The following CCDC57 variants were observed in gnomAD, a reference collection of about 807,000 sequenced individuals.
The protein encoded by CCDC57 is coiled-coil domain containing 57.
In CCDC57, 118 loss-of-function variants were observed where a neutral mutation model predicts 118.9. That is an observed-to-expected ratio of 0.99 (90% CI 0.86 to 1.16). CCDC57 has a LOEUF of 1.16. Among genes scored for constraint, CCDC57 ranks in the 50% most tolerant of loss-of-function variants. CCDC57 has a pLI of 0.00. For synonymous variants in CCDC57, 527 were observed against 532.9 expected (o/e 0.99, Z 0.15); for missense variants, 1,300 against 1,320.7 (o/e 0.98, Z 0.24).
chr17:82,194,111 G>A (rs867097147), exon 6 of CCDC57: 3 of 1,613,778 alleles, frequency 1.9e-6, no homozygotes, highest in Non-Finnish European at 1.7e-6. Flanking sequence ...TTCCTTCAGA[G>A]CCTCCAGCTC....
At chr17:82,112,716 C>G (rs1474469282) in intron 19 of CCDC57, 1 of 152,478 alleles carries the variant, frequency 6.6e-6, no homozygotes, top group East Asian at 1.9e-4. Flanking sequence ...GCCGGCAGCC[C>G]AGAAACGGCC....
At chr17:82,167,444 G>C (rs549556286) in intron 13 of CCDC57, among the ~76,000 whole-genome samples, 1 of 151,750 alleles carries the variant, frequency 6.6e-6, no homozygotes, top group African/African-American at 2.4e-5. Context: ...TCCACCTCCC[G>C]GGTTCAAGCG....
intron 7 of CCDC57, among the ~76,000 whole-genome samples, chr17:82,188,748 G>C (rs1373859219): frequency 1.3e-5 from 2 of 152,220 alleles, no homozygotes; most frequent in African/African-American, 4.8e-5. Flanking sequence ...CGATCAACCT[G>C]CGAAAGCAAA....
intron 16 of CCDC57, chr17:82,145,748 A>T: frequency 2.3e-6 from 1 of 430,976 alleles, no homozygotes; most frequent in Non-Finnish European, 4.8e-6. Flanking sequence ...TTCCCCCTGC[A>T]GGCCCCTGAG....
chr17:82,131,134 A>C (rs1443736425), intron 17 of CCDC57, among the ~76,000 whole-genome samples: 1 of 151,250 alleles, frequency 6.6e-6, no homozygotes, highest in African/African-American at 2.4e-5. Context: ...TTTTTTTAAA[A>C]GAAAAATAAA....
Position 82,163,130 on chromosome 17 carries a change from T to C in CCDC57, c.2040+70A>G. The stretch of plus-strand genomic sequence containing the variant: ...ACCTGGGGTCGCACCGGGCAGCCGC[T>C]CAGAGCCCACGCGCTCTCCCCCAGC... On this transcript the variant is annotated intron_variant, in intron 14 of 19. Transcript: ENST00000665763. 5 of 1,564,564 alleles carry C rather than the reference T, an allele frequency of 3.2e-6. 1 individual carries two copies. The South Asian group carries it at 5.9e-5, about 18-fold the overall frequency.
chr17:82,209,376 C>T (rs566503797), intron 1 of CCDC57, among the ~76,000 whole-genome samples: 1 of 151,984 alleles, frequency 6.6e-6, no homozygotes, highest in Non-Finnish European at 1.5e-5. Flanking sequence ...CAAAGCACAA[C>T]AAAAAACAAA....
intron 8 of CCDC57, among the ~76,000 whole-genome samples, 157 bp from the exon 8 acceptor site, chr17:82,184,089 C>T (rs780341418): frequency 6.8e-5 from 8 of 117,972 alleles, no homozygotes; most frequent in East Asian, 3.6e-4. Flanking sequence ...ACACAGCTCT[C>T]GAGCTGAAAC....
intron 1 of CCDC57, among the ~76,000 whole-genome samples, chr17:82,208,594 G>A (rs1043349540): frequency 6.6e-6 from 1 of 152,160 alleles, no homozygotes; most frequent in Non-Finnish European, 1.5e-5. Context: ...GGGACTGGAA[G>A]GCAGGTCTGG....
intron 13 of CCDC57, among the ~76,000 whole-genome samples, chr17:82,163,929 C>A (rs770833608): frequency 6.6e-6 from 1 of 152,124 alleles, no homozygotes; most frequent in Admixed American, 6.6e-5. Context: ...CATCTCATCA[C>A]GTTGGGAGGC....
chr17:82,179,026 C>T lies in CCDC57; in HGVS notation c.1374+1G>A, dbSNP rs749883967. ...CCCCAGGCCCTGGTGGCCGCACACACCTGACTTTTTGCCATGCTCAGACCC... is the reference window on the plus strand; with the variant it reads ...CCCCAGGCCCTGGTGGCCGCACACATCTGACTTTTTGCCATGCTCAGACCC... On this transcript the variant is annotated splice_donor_variant, in intron 10 of 19. Coordinates refer to ENST00000665763, the Ensembl canonical transcript of CCDC57. LOFTEE classifies it high-confidence loss of function. 4.2e-5 allele frequency: 68 copies of T among 1,613,288 alleles called. No homozygotes were observed. The highest frequency in any genetic ancestry group is 5.7e-5 in the Non-Finnish European group (67 of 1,179,566).
chr17:82,138,041 T>G lies in CCDC57; in HGVS notation c.2456-3847A>C, dbSNP rs538371324. 1.4e-4 allele frequency among the ~76,000 whole-genome samples: 21 copies of G among 152,004 alleles called. No homozygotes were observed. In the South Asian group the frequency reaches 4.4e-3, roughly 32 times the overall value. Reference sequence around the variant, plus strand: ...AAGTTCCCTGGAAAATCACAAAATTTTTTTCTTATAAAAAGAGAGGTATTT... The same window carrying G: ...AAGTTCCCTGGAAAATCACAAAATTGTTTTCTTATAAAAAGAGAGGTATTT... On this transcript the variant is annotated intron_variant, in intron 16 of 19. Coordinates refer to ENST00000665763, the Ensembl canonical transcript of CCDC57.
At chr17:82,159,603 T>C (rs2043074510) in intron 14 of CCDC57, among the ~76,000 whole-genome samples, 1 of 152,156 alleles carries the variant, frequency 6.6e-6, no homozygotes. Context: ...CATTTAGCCC[T>C]TCCAGTGTGG....
Position 82,122,143 on chromosome 17 carries a change from C to T in CCDC57, c.2899+5549G>A, listed in dbSNP as rs77052159. ...CCCACCATTTTACAACCCACTTTCT[C>T]AAGCCTCCTACACCGCTCCTTCCTC... On this transcript the variant is annotated intron_variant, in intron 19 of 19. Transcript: ENST00000665763. Among the ~76,000 whole-genome samples, 1,002 of 152,276 alleles carry T rather than the reference C, an allele frequency of 6.6e-3. 13 individuals are homozygous for T. Among genetic ancestry groups the T allele is most frequent in the African/African-American group, 0.023 (938 of 41,552 alleles).
intron 16 of CCDC57, among the ~76,000 whole-genome samples, chr17:82,140,517 G>A (rs1394081857): frequency 1.3e-5 from 2 of 152,172 alleles, no homozygotes; most frequent in African/African-American, 4.8e-5. Flanking sequence ...CACCGTGCCC[G>A]GCCAGGGATA....
At chr17:82,211,200 G>A (rs2050162095) in intron 1 of CCDC57, among the ~76,000 whole-genome samples, 2 of 152,152 alleles carry the variant, frequency 1.3e-5, no homozygotes, top group African/African-American at 4.8e-5. Flanking sequence ...TGTCTCGTAA[G>A]ACGCTGGGAA....
chr17:82,195,334 G>T (rs375533833), exon 5 of CCDC57: 1 of 1,599,112 alleles, frequency 6.3e-7, no homozygotes. Context: ...TCCCTCTTCC[G>T]CATTTTCGAT....
rs762125950 is a variant in CCDC57 at position 82,179,024 on chromosome 17, C to A, written c.1374+3G>T. 1.2e-6 allele frequency: 2 copies of A among 1,613,098 alleles called. No homozygotes were observed. The highest frequency in any genetic ancestry group is 8.5e-7 in the Non-Finnish European group (1 of 1,179,452). ...GGCCCCAGGCCCTGGTGGCCGCACACACCTGACTTTTTGCCATGCTCAGAC... is the reference window on the plus strand; with the variant it reads ...GGCCCCAGGCCCTGGTGGCCGCACAAACCTGACTTTTTGCCATGCTCAGAC... On this transcript the variant is annotated splice_donor_region_variant and intron_variant, in intron 10 of 19. Coordinates refer to ENST00000665763, the Ensembl canonical transcript of CCDC57.
chr17:82,173,229 G>A (rs1370514953), intron 11 of CCDC57, among the ~76,000 whole-genome samples: 2 of 152,116 alleles, frequency 1.3e-5, no homozygotes, highest in Non-Finnish European at 2.9e-5. Context: ...CTGCACCTCC[G>A]TGTGAATGCG....
Sources: gnomAD v4.1 joint callset for allele counts (sites outside exome capture counted in the v4.1 genomes callset) on GRCh38, gnomAD v4.1.1 for gene constraint, MANE v1.5 for transcripts, NCBI Gene and HGNC (gene_info 2026-07-23, HGNC 2026-07-21) for gene names.